The following PTPRD variants were observed in gnomAD, a reference collection of about 807,000 sequenced individuals.
The protein encoded by PTPRD is receptor-type tyrosine-protein phosphatase delta.
In PTPRD, 34 loss-of-function variants were observed where a neutral mutation model predicts 214.5. That is an observed-to-expected ratio of 0.16 (90% confidence interval 0.12 to 0.21). PTPRD has a LOEUF of 0.21. Ranked by LOEUF, PTPRD falls within the 10% of genes least tolerant of loss-of-function variation. The pLI, the probability that PTPRD is intolerant of heterozygous loss-of-function variation, is 1.00. For synonymous variants in PTPRD, 1,128 were observed against 845.7 expected (o/e 1.33, Z -5.79); for missense variants, 2,545 against 2,398.7 (o/e 1.06, Z -1.27).
intron 3 of PTPRD, among the ~76,000 whole-genome samples, chr9:10,069,253 A>C (rs1251594807): frequency 6.6e-6 from 1 of 151,986 alleles, no homozygotes; most frequent in Non-Finnish European, 1.5e-5. Flanking sequence ...GAATCCCAGA[A>C]TATAAGAAGG....
At chr9:10,390,108 G>A (rs1333528662) in intron 2 of PTPRD, among the ~76,000 whole-genome samples, 1 of 151,728 alleles carries the variant, frequency 6.6e-6, no homozygotes, top group African/African-American at 2.4e-5. Flanking sequence ...AAAATATTGT[G>A]TACTGTAAGG....
intron 10 of PTPRD, among the ~76,000 whole-genome samples, chr9:9,104,781 T>G (rs1283197538): frequency 2.0e-5 from 3 of 152,176 alleles, no homozygotes; most frequent in Non-Finnish European, 4.4e-5. Flanking sequence ...ATTCTATCGC[T>G]CCACATTCAA....
Position 8,811,814 on chromosome 9 carries a change from G to T in PTPRD, c.-103-77868C>A, listed in dbSNP as rs559041853. On this transcript the variant is annotated intron_variant, in intron 11 of 45. Transcript: ENST00000381196. ...CTGGATTTTTCTTACATGCAACCTA[G>T]AAATTCACCTTGTTTCCTATGCACA... is the stretch of plus-strand genomic sequence containing the variant. Among the ~76,000 whole-genome samples, 4 of 152,276 alleles carry T rather than the reference G, an allele frequency of 2.6e-5. No individual in the cohort carries two copies. In the South Asian group the frequency reaches 8.3e-4, roughly 32 times the overall value.
intron 3 of PTPRD, among the ~76,000 whole-genome samples, chr9:10,215,415 T>C (rs2099536679): frequency 6.6e-6 from 1 of 152,126 alleles, no homozygotes; most frequent in Admixed American, 6.6e-5. Flanking sequence ...AGCTATTCAG[T>C]ATTCTTAGAT....
At chr9:8,494,820 CT>C (rs1341536107) in intron 26 of PTPRD, among the ~76,000 whole-genome samples, 1 of 152,162 alleles carries the variant, frequency 6.6e-6, no homozygotes, top group African/African-American at 2.4e-5. Context: ...CATATCCTTT[CT>C]TGGATTACAT....
chr9:10,250,187 G>C (rs1220609088), intron 3 of PTPRD, among the ~76,000 whole-genome samples: 1 of 152,044 alleles, frequency 6.6e-6, no homozygotes, highest in Non-Finnish European at 1.5e-5. Flanking sequence ...TTAACTTTAG[G>C]AGGCGGGAAA....
At chr9:10,611,979 G>A (rs1039908114) in intron 2 of PTPRD, among the ~76,000 whole-genome samples, 7 of 148,476 alleles carry the variant, frequency 4.7e-5, no homozygotes, top group South Asian at 2.1e-4. Context: ...AGTCAGAGTA[G>A]GGTGGGAGTT....
chr9:9,185,556 C>T (rs1028494759), intron 9 of PTPRD, among the ~76,000 whole-genome samples: 5 of 152,178 alleles, frequency 3.3e-5, no homozygotes, highest in Admixed American at 6.6e-5. Flanking sequence ...ACTTAAGCAA[C>T]GGACTTTAGA....
chr9:9,627,467 G>T (rs996624948), intron 7 of PTPRD, among the ~76,000 whole-genome samples: 1 of 152,188 alleles, frequency 6.6e-6, no homozygotes, highest in Non-Finnish European at 1.5e-5. Context: ...TGAACTACTT[G>T]ATGGGATTTT....
rs59488682 is a variant in PTPRD at position 8,353,937 on chromosome 9, C to CATATATATAT, written c.4662-11969_4662-11960dup. On this transcript the variant is annotated intron_variant, in intron 39 of 45. Transcript: ENST00000381196. ...ATATATGTATATATATGTGTGTGTA[C>CATATATATAT]ATATATATATATATATATATATATA... Among the ~76,000 whole-genome samples, 7 of 61,308 alleles carry CATATATATAT rather than the reference C, an allele frequency of 1.1e-4. 1 individual carries two copies. The highest frequency in any genetic ancestry group is 4.7e-4 in the African/African-American group (7 of 14,790). 40.2% of individuals were successfully genotyped at this position (61,308 alleles called of 152,430 possible).
rs535559165 is a variant in PTPRD at position 10,255,187 on chromosome 9, G to A, written c.-545+85776C>T. On this transcript the variant is annotated intron_variant, in intron 3 of 45. Transcript: ENST00000381196. ...GAGGTGATTTAAAATAGGGTCAAGT[G>A]TTGCTTAAGGAGGGGGATACATTCT... 2.6e-5 allele frequency among the ~76,000 whole-genome samples: 4 copies of A among 152,282 alleles called. No individual in the cohort carries two copies. The South Asian group carries it at 8.3e-4, about 32-fold the overall frequency.
chr9:10,084,099 A>G (rs564966951), intron 3 of PTPRD, among the ~76,000 whole-genome samples: 112 of 152,146 alleles, frequency 7.4e-4, no homozygotes, highest in African/African-American at 2.6e-3. Context: ...CATTGTAACT[A>G]TCTCCTAGGT....
chr9:8,803,946 C>T (rs1301108318), intron 11 of PTPRD, among the ~76,000 whole-genome samples: 2 of 151,634 alleles, frequency 1.3e-5, no homozygotes, highest in Non-Finnish European at 2.9e-5. Context: ...TTTGAAGTCC[C>T]TCACTTCTTC....
intron 2 of PTPRD, among the ~76,000 whole-genome samples, chr9:10,426,146 C>T (rs2098612621): frequency 6.6e-6 from 1 of 151,970 alleles, no homozygotes; most frequent in East Asian, 1.9e-4. Flanking sequence ...CCTTCCCTTG[C>T]ATGTGAATAT....
At chr9:8,868,646 G>A (rs2098241788) in intron 11 of PTPRD, among the ~76,000 whole-genome samples, 1 of 151,932 alleles carries the variant, frequency 6.6e-6, no homozygotes, top group Admixed American at 6.6e-5. Flanking sequence ...TTTTCTCCCA[G>A]CTCTAGGATT....
chr9:10,548,753 A>C (rs2060687060), intron 2 of PTPRD, among the ~76,000 whole-genome samples: 1 of 152,160 alleles, frequency 6.6e-6, no homozygotes, highest in Non-Finnish European at 1.5e-5. Context: ...ACATCTTAGA[A>C]TGCTGGGAGA....
At chr9:9,970,732 T>C (rs774534452) in intron 4 of PTPRD, among the ~76,000 whole-genome samples, 2 of 152,154 alleles carry the variant, frequency 1.3e-5, no homozygotes, top group Non-Finnish European at 2.9e-5. Flanking sequence ...TCAGATTCAA[T>C]AGCTAGGCTT....
chr9:8,744,521 A>G (rs1004501126), intron 11 of PTPRD, among the ~76,000 whole-genome samples: 2 of 152,248 alleles, frequency 1.3e-5, no homozygotes, highest in Non-Finnish European at 1.5e-5. Flanking sequence ...ATTGGAGACT[A>G]TTATTCTAAG....
chr9:10,585,167 T>C (rs2073486116), intron 2 of PTPRD, among the ~76,000 whole-genome samples: 1 of 152,066 alleles, frequency 6.6e-6, no homozygotes, highest in African/African-American at 2.4e-5. Flanking sequence ...CAAATAGTGA[T>C]GAATGGGAGA....
Sources: allele counts gnomAD v4.1 joint callset (sites outside exome capture counted in the v4.1 genomes callset), GRCh38; gene constraint gnomAD v4.1.1; transcripts MANE v1.5; gene names NCBI Gene and HGNC (gene_info 2026-07-23, HGNC 2026-07-21).